The following SLC44A5 variants were observed in gnomAD, a reference collection of about 807,000 sequenced individuals.
The protein encoded by SLC44A5 is solute carrier family 44 member 5.
Under a neutral mutation model 101.8 loss-of-function variants are expected in SLC44A5, and 57 were observed. That is an observed-to-expected ratio of 0.56 (90% CI 0.45 to 0.70). The LOEUF (loss-of-function observed/expected upper bound fraction) is 0.70. Ranked by LOEUF, SLC44A5 falls within the 30% of genes least tolerant of loss-of-function variation. SLC44A5 has a pLI of 0.00. For synonymous variants in SLC44A5, 281 were observed against 290.9 expected (o/e 0.97, Z 0.35); for missense variants, 737 against 853.1 (o/e 0.86, Z 1.70).
intron 4 of SLC44A5, among the ~76,000 whole-genome samples, chr1:75,317,502 C>A (rs1655785357): frequency 6.6e-6 from 1 of 152,156 alleles, no homozygotes. Context: ...CATGAAATCC[C>A]TTTCACACAC....
At chr1:75,282,317 C>A (rs1652671458) in intron 5 of SLC44A5, among the ~76,000 whole-genome samples, 1 of 152,178 alleles carries the variant, frequency 6.6e-6, no homozygotes, top group Admixed American at 6.5e-5. Flanking sequence ...TGTATTAACC[C>A]AATGCCTGTA....
the SLC44A5 span, among the ~76,000 whole-genome samples, chr1:75,678,544 T>C: frequency 1.3e-5 from 2 of 148,554 alleles, no homozygotes; most frequent in African/African-American, 4.9e-5. Flanking sequence ...GACCTGCAGC[T>C]GACGGTCCTG....
chr1:75,480,245 A>T (rs1667750016), intron 2 of SLC44A5, among the ~76,000 whole-genome samples: 2 of 152,236 alleles, frequency 1.3e-5, no homozygotes, highest in South Asian at 2.1e-4. Context: ...TATTGATGGG[A>T]CATATCTCAA....
chr1:75,424,751 T>C (rs977954727), intron 2 of SLC44A5, among the ~76,000 whole-genome samples: 3 of 152,212 alleles, frequency 2.0e-5, no homozygotes, highest in Non-Finnish European at 4.4e-5. Flanking sequence ...TCAAGAGTTT[T>C]TTTTTCAAAC....
At chr1:75,473,290 A>G (rs1467791209) in intron 2 of SLC44A5, among the ~76,000 whole-genome samples, 5 of 152,206 alleles carry the variant, frequency 3.3e-5, no homozygotes, top group Admixed American at 3.3e-4. Flanking sequence ...CAAGAATTGG[A>G]TAAAGCTTTT....
chr1:75,349,052 T>TA (rs1313232864), intron 3 of SLC44A5, among the ~76,000 whole-genome samples: 2 of 152,234 alleles, frequency 1.3e-5, no homozygotes, highest in African/African-American at 4.8e-5. Context: ...TGAAAAATAT[T>TA]AAAAAATAAT....
At chr1:75,448,382 C>T (rs1288954028) in intron 2 of SLC44A5, among the ~76,000 whole-genome samples, 2 of 152,008 alleles carry the variant, frequency 1.3e-5, no homozygotes, top group Non-Finnish European at 2.9e-5. Flanking sequence ...GGAGGGGGCC[C>T]GAATGTTGGC....
the SLC44A5 span, among the ~76,000 whole-genome samples, chr1:75,659,443 G>GGGAGGGAGGGAAGGAAGGAAGGAA: frequency 3.3e-5 from 2 of 61,112 alleles, no homozygotes; most frequent in African/African-American, 1.5e-4. Flanking sequence ...GAGGGAGGGA[G>GGGAGGGAGGGAAGGAAGGAAGGAA]GGAAGGAAGG....
At chr1:75,585,128 G>T (rs560682989) in intron 1 of SLC44A5, among the ~76,000 whole-genome samples, 1 of 152,200 alleles carries the variant, frequency 6.6e-6, no homozygotes, top group East Asian at 1.9e-4. Context: ...CTCAGCCTTG[G>T]TTTTCTAATT....
At chr1:75,398,281 G>T (rs985052447) in intron 2 of SLC44A5, 1 of 453,928 alleles carries the variant, frequency 2.2e-6, no homozygotes, top group Non-Finnish European at 2.9e-6. Context: ...TAATAACAGT[G>T]GTCAGCCTCT....
intron 2 of SLC44A5, among the ~76,000 whole-genome samples, chr1:75,526,991 C>T (rs944554507): frequency 6.6e-6 from 1 of 151,642 alleles, no homozygotes; most frequent in African/African-American, 2.4e-5. Context: ...AAAAACTAGC[C>T]GGGCATGGTG....
chr1:75,505,702 C>T (rs1669215083), intron 2 of SLC44A5, among the ~76,000 whole-genome samples: 1 of 151,872 alleles, frequency 6.6e-6, no homozygotes, highest in African/African-American at 2.4e-5. Flanking sequence ...ATGGGGTTAT[C>T]TGGGTTTTGC....
chr1:75,673,592 G>A, the SLC44A5 span, among the ~76,000 whole-genome samples: 1 of 152,164 alleles, frequency 6.6e-6, no homozygotes, highest in African/African-American at 2.4e-5. Flanking sequence ...GTAGGGAGTG[G>A]TCACAGTGGG....
the SLC44A5 span, among the ~76,000 whole-genome samples, chr1:75,669,740 C>T: frequency 6.6e-6 from 1 of 152,066 alleles, no homozygotes. Flanking sequence ...CAGACACATA[C>T]AAACCCATGT....
At chr1:75,496,031 A>G (rs1206782220) in intron 2 of SLC44A5, among the ~76,000 whole-genome samples, 1 of 152,098 alleles carries the variant, frequency 6.6e-6, no homozygotes, top group Non-Finnish European at 1.5e-5. Flanking sequence ...GTGATCAAAT[A>G]CTAGATCTCA....
the SLC44A5 span, among the ~76,000 whole-genome samples, chr1:75,629,488 A>C: frequency 6.6e-6 from 1 of 152,304 alleles, no homozygotes; most frequent in South Asian, 2.1e-4. Context: ...ATTTACTAAA[A>C]TTTCAGAAGA....
chr1:75,352,883 T>C (rs887973322), intron 3 of SLC44A5, among the ~76,000 whole-genome samples: 3 of 152,210 alleles, frequency 2.0e-5, no homozygotes, highest in African/African-American at 7.2e-5. Context: ...AGACAAATAA[T>C]GACATAGTCG....
chr1:75,276,845 T>C (rs561438353), intron 5 of SLC44A5, among the ~76,000 whole-genome samples: 4 of 152,252 alleles, frequency 2.6e-5, no homozygotes, highest in East Asian at 1.9e-4. Flanking sequence ...TGGAATACTG[T>C]TGCGGGCAGC....
At chr1:75,618,935 T>C in the SLC44A5 span, among the ~76,000 whole-genome samples, 1 of 151,442 alleles carries the variant, frequency 6.6e-6, no homozygotes, top group Admixed American at 6.6e-5. Context: ...CTGGGTGTGG[T>C]GGCAGGTACC....
Sources: allele counts gnomAD v4.1 joint callset (sites outside exome capture counted in the v4.1 genomes callset), GRCh38; gene constraint gnomAD v4.1.1; transcripts MANE v1.5; gene names NCBI Gene and HGNC (gene_info 2026-07-23, HGNC 2026-07-21).